UBAP2L: variants seen among roughly 807,000 people sequenced by gnomAD.
UBAP2L encodes the protein ubiquitin-associated protein 2-like.
A neutral mutation model predicts 130.6 loss-of-function variants in UBAP2L; 12 were observed. The observed-to-expected ratio is 0.09, with a 90% CI of 0.06 to 0.15. The LOEUF (loss-of-function observed/expected upper bound fraction) is 0.15, where lower values mean the gene tolerates loss of function less well. Ranked by LOEUF, UBAP2L falls within the 10% of genes least tolerant of loss-of-function variation. UBAP2L has a pLI of 1.00. For missense variants in UBAP2L, 965 were observed against 1,332.5 expected (o/e 0.72, Z 4.29); for synonymous variants, 503 against 524.7 (o/e 0.96, Z 0.57).
chr1:154,244,621 G>A (rs1674733485), intron 10 of UBAP2L, among the ~76,000 whole-genome samples: 2 of 152,010 alleles, frequency 1.3e-5, no homozygotes, highest in African/African-American at 2.4e-5. Context: ...GCCTCCCAAA[G>A]TGCTGGGATT....
At chr1:154,261,170 A>G (rs1300503638) in intron 23 of UBAP2L, 61 bp downstream of exon 23, 2 of 1,530,654 alleles carry the variant, frequency 1.3e-6, no homozygotes, top group African/African-American at 1.4e-5. Flanking sequence ...ACACTATCCT[A>G]GCTGCTTTTA....
upstream of UBAP2L, chr1:154,220,558 C>G (rs1329721180): frequency 4.1e-6 from 3 of 740,688 alleles, no homozygotes; most frequent in African/African-American, 1.8e-5. Context: ...GGCCTGAAAA[C>G]ATGGCGGACA....
At chr1:154,248,887 AATG>A (rs1182159051) in intron 11 of UBAP2L, among the ~76,000 whole-genome samples, 1 of 152,208 alleles carries the variant, frequency 6.6e-6, no homozygotes, top group African/African-American at 2.4e-5. Context: ...AGAAGGAAGT[AATG>A]ATGATATGAA....
Position 154,257,350 on chromosome 1 carries a change from A to C in UBAP2L, c.2358A>C (p.Lys786Asn). ...AAAATGTAATTTCTCTTTTAGGAAAAGCTCCTCCCAACCTCCCTCCTGGGG... is the reference window on the plus strand; with the variant it reads ...AAAATGTAATTTCTCTTTTAGGAAACGCTCCTCCCAACCTCCCTCCTGGGG... ...TRSSVATTSG[K>N]APPNLPPGVP... The change falls in exon 20 of 27, where the codon AAA becomes AAC. Residue 786 changes from lysine to asparagine, a missense_variant. Around this residue, in one of 9 missense-constraint regions of UBAP2L, gnomAD observed 393 missense variants for 408.1 expected, o/e 0.96. Transcript: ENST00000428931. 6.2e-7 allele frequency: 1 copy of C among 1,613,954 alleles called. No homozygotes were observed. The highest frequency in any genetic ancestry group is 8.5e-7 in the Non-Finnish European group (1 of 1,180,028).
intron 14 of UBAP2L, among the ~76,000 whole-genome samples, chr1:154,251,936 A>G (rs540630750): frequency 3.3e-5 from 5 of 152,270 alleles, no homozygotes; most frequent in African/African-American, 7.2e-5. Context: ...CAGGAGTTCA[A>G]GACCAGCCTG....
intron 24 of UBAP2L, chr1:154,263,168 G>T (rs1205966277): frequency 1.3e-6 from 2 of 1,551,738 alleles, no homozygotes; most frequent in East Asian, 4.9e-5. Context: ...CCCAAGGCTG[G>T]GGGCTGTGTT....
chr1:154,269,455 C>A (rs753905220), intron 26 of UBAP2L: 24 of 1,297,558 alleles, frequency 1.8e-5, no homozygotes, highest in Admixed American at 2.3e-5. Flanking sequence ...CACTCCTTTT[C>A]AGTCCCCATT....
chr1:154,261,700 A>G lies in UBAP2L; in HGVS notation c.2902+3A>G, dbSNP rs759580502. The G allele has an allele frequency of 6.2e-7, 1 of 1,613,830 alleles. No individual in the cohort carries two copies. The highest frequency in any genetic ancestry group is 2.2e-5 in the East Asian group (1 of 44,878). On this transcript the variant is annotated splice_donor_region_variant and intron_variant, in intron 24 of 26. Coordinates refer to ENST00000428931, the MANE Select transcript of UBAP2L (RefSeq NM_014847.4). ...TGGGTCTCATGGATACAACACTGGT[A>G]AGCTGACCTTGTCTCTGGCTCGGTG... is the stretch of plus-strand genomic sequence containing the variant.
At chr1:154,243,179 C>T in intron 9 of UBAP2L, 38 bp from the exon 10 acceptor site, 1 of 1,575,730 alleles carries the variant, frequency 6.3e-7, no homozygotes, top group Non-Finnish European at 8.7e-7. Context: ...ACTGTAGCAT[C>T]CCTGACACCA....
intron 3 of UBAP2L, among the ~76,000 whole-genome samples, chr1:154,228,128 G>A (rs889563810): frequency 8.6e-5 from 13 of 151,874 alleles, no homozygotes; most frequent in Admixed American, 2.6e-4. Context: ...CGGGGGTTGG[G>A]GGGGTGGTTC....
chr1:154,255,350 T>G, intron 17 of UBAP2L, 24 bp downstream of exon 17: 7 of 1,611,096 alleles, frequency 4.3e-6, no homozygotes, highest in Non-Finnish European at 5.9e-6. Context: ...AGGATGGAGG[T>G]TGGGGTTGGT....
At chr1:154,242,931 T>TC in intron 9 of UBAP2L, 10 of 194,770 alleles carry the variant, frequency 5.1e-5, no homozygotes, top group Non-Finnish European at 1.0e-4. Context: ...TTCTTTCTTT[T>TC]ATTTTTTTTT....
intron 13 of UBAP2L, 78 bp downstream of exon 13, chr1:154,251,396 TG>T: frequency 6.3e-7 from 1 of 1,575,146 alleles, no homozygotes; most frequent in Non-Finnish European, 8.6e-7. Context: ...AGGGTAAGTT[TG>T]GAAATTTAAA....
At chr1:154,255,043 GT>G in intron 16 of UBAP2L, 108 bp from the exon 17 acceptor site, 2 of 1,428,826 alleles carry the variant, frequency 1.4e-6, no homozygotes, top group Non-Finnish European at 1.9e-6. Context: ...ATAGTCCATT[GT>G]TAAATAACTC....
At position 154,234,707 on chromosome 1, in the gene UBAP2L, G is replaced by A; in HGVS notation, c.396G>A (p.Arg132=). 1.9e-6 allele frequency: 3 copies of A among 1,612,612 alleles called. No individual in the cohort carries two copies. Among genetic ancestry groups the A allele is most frequent in the Non-Finnish European group, 2.5e-6 (3 of 1,179,358 alleles). Residue 132 remains arginine, a synonymous_variant, in exon 5 of 27, where the codon CGG becomes CGA. Coordinates refer to ENST00000428931, the MANE Select transcript of UBAP2L (RefSeq NM_014847.4). The stretch of plus-strand genomic sequence containing the variant: ...GAGACCGGGACAGAGACTATAGTCG[G>A]CGACGTGGTGGGCCACCAAGACGGG... ...ENRDRDRDYS[R]RRGGPPRRGR...
intron 11 of UBAP2L, 121 bp from the exon 12 acceptor site, chr1:154,249,118 G>T (rs1676649414): frequency 1.1e-6 from 1 of 878,976 alleles, no homozygotes; most frequent in South Asian, 1.5e-5. Flanking sequence ...TGTATACTCA[G>T]TGTGACAGTA....
chr1:154,254,993 G>T, intron 16 of UBAP2L, 103 bp downstream of exon 16: 2 of 1,447,082 alleles, frequency 1.4e-6, no homozygotes, highest in Middle Eastern at 1.8e-4. Flanking sequence ...GACCCATGCT[G>T]TGTAATTCTC....
Position 154,234,620 on chromosome 1 carries a change from G to T in UBAP2L, c.309G>T (p.Lys103Asn). 6.2e-7 allele frequency: 1 copy of T among 1,614,096 alleles called. No individual in the cohort carries two copies. The highest frequency in any genetic ancestry group is 1.1e-5 in the South Asian group (1 of 91,072). ...THSWEMVGKK[K>N]GVSGQKDGGQ... The stretch of plus-strand genomic sequence containing the variant: ...CCTGGGAGATGGTCGGGAAGAAGAA[G>T]GGAGTCTCAGGCCAGAAGGATGGTG... The change falls in exon 5 of 27, where the codon AAG becomes AAT. Residue 103 changes from lysine to asparagine, a missense_variant. Physicochemically the swap from Lys to Asn is moderately conservative, Grantham distance 94. Transcript: ENST00000428931.
At chr1:154,229,551 C>T (rs374982563) in intron 4 of UBAP2L, among the ~76,000 whole-genome samples, 2 of 152,186 alleles carry the variant, frequency 1.3e-5, no homozygotes, top group East Asian at 1.9e-4. Context: ...GCAACCTCCT[C>T]GTCCTGGGCT....
Sources: gnomAD v4.1 joint callset for allele counts (sites outside exome capture counted in the v4.1 genomes callset) on GRCh38, gnomAD v4.1.1 for gene constraint, gnomAD v4.1.1 regional missense constraint, MANE v1.5 for transcripts, NCBI Gene and HGNC (gene_info 2026-07-23, HGNC 2026-07-21) for gene names.